MTM1: variants seen among roughly 807,000 people sequenced by gnomAD.
MTM1 encodes myotubularin.
MTM1 carries 9 observed loss-of-function variants against 52.1 expected under a neutral mutation model. The observed-to-expected ratio is 0.17, with a 90% CI of 0.10 to 0.30. The LOEUF (loss-of-function observed/expected upper bound fraction) is 0.30. Among genes scored for constraint, MTM1 ranks in the 10% least tolerant of loss-of-function variants. The pLI, the probability that MTM1 is intolerant of heterozygous loss-of-function variation, is 1.00. For missense variants in MTM1, 277 were observed against 470.7 expected (o/e 0.59, Z 3.81); for synonymous variants, 136 against 163.8 (o/e 0.83, Z 1.29).
chrX:150,571,912 C>T (rs2038384878), intron 1 of MTM1, among the ~76,000 whole-genome samples: 1 of 111,942 alleles, frequency 8.9e-6, no homozygotes, highest in Non-Finnish European at 1.9e-5. Flanking sequence ...AGTTAGGTCC[C>T]GTTGTCATCC....
Position 150,663,601 on chromosome X carries a change from A to G in MTM1, c.1636A>G (p.Lys546Glu), listed in dbSNP as rs782556613. The G allele has an allele frequency of 8.3e-7, 1 of 1,208,677 alleles. No homozygotes were observed. The highest frequency in any genetic ancestry group is 1.8e-5 in the South Asian group (1 of 56,955). ...NYYIRWNPRI[K>E]QQQPNPVEQR... Reference sequence around the variant, plus strand: ...CTACATTAGATGGAACCCCAGGATCAAGCAACAAGTAAGTGAAGTAGCACT... The same window carrying G: ...CTACATTAGATGGAACCCCAGGATCGAGCAACAAGTAAGTGAAGTAGCACT... Residue 546 changes from lysine to glutamate, a missense_variant, in exon 14 of 15, where the codon AAG (lysine) becomes GAG (glutamate). This residue lies in a region of MTM1 where 51 missense variants were observed against 52.2 expected (regional missense o/e 0.98). Coordinates refer to ENST00000370396, the MANE Select transcript of MTM1 (RefSeq NM_000252.3).
chrX:150,631,723 A>G (rs1308350032), intron 6 of MTM1, among the ~76,000 whole-genome samples: 1 of 106,808 alleles, frequency 9.4e-6, no homozygotes, highest in Admixed American at 1.0e-4. Context: ...ATATTCCTCT[A>G]GTAATTTGGT....
At chrX:150,570,189 T>C (rs142806184) in intron 1 of MTM1, among the ~76,000 whole-genome samples, 2,381 of 111,684 alleles carry the variant, frequency 0.021, 28 homozygotes, top group Non-Finnish European at 0.033. Flanking sequence ...GCCCCACTGC[T>C]GAGGTCCCTG....
At chrX:150,598,506 G>C (rs1424709709) in intron 3 of MTM1, 86 bp from the exon 4 acceptor site, 6 of 569,607 alleles carry the variant, frequency 1.1e-5, no homozygotes, top group African/African-American at 4.6e-5. Flanking sequence ...ATTCTTAGCT[G>C]AATAGTTTAT....
intron 14 of MTM1, 72 bp from the exon 15 acceptor site, chrX:150,671,356 G>A (rs904423646): frequency 3.5e-5 from 39 of 1,128,822 alleles, no homozygotes; most frequent in Non-Finnish European, 4.6e-5. Flanking sequence ...AGTCACAGCA[G>A]ATGGGTGGAA....
chrX:150,563,649 G>A (rs1460007052), upstream of MTM1, among the ~76,000 whole-genome samples: 1 of 107,578 alleles, frequency 9.3e-6, no homozygotes, highest in Non-Finnish European at 1.9e-5. Context: ...ACTTTGGGAA[G>A]CTGTGGCAGG....
At chrX:150,582,675 G>A (rs2038607033) in intron 1 of MTM1, among the ~76,000 whole-genome samples, 2 of 111,078 alleles carry the variant, frequency 1.8e-5, no homozygotes, top group South Asian at 7.5e-4. Flanking sequence ...GATTGGAGTG[G>A]TGAAGCTGCA....
At chrX:150,606,684 C>A (rs1209111785) in intron 4 of MTM1, among the ~76,000 whole-genome samples, 4 of 111,484 alleles carry the variant, frequency 3.6e-5, no homozygotes, top group African/African-American at 1.3e-4. Flanking sequence ...ATTCTTTACA[C>A]CTTTCTCCTC....
chrX:150,592,931 C>T (rs1465111024), intron 2 of MTM1, among the ~76,000 whole-genome samples: 1 of 109,935 alleles, frequency 9.1e-6, no homozygotes, highest in Non-Finnish European at 1.9e-5. Context: ...GCAACCTCCG[C>T]CTCCCAGATT....
chrX:150,629,977 A>G (rs2039638342), intron 6 of MTM1, among the ~76,000 whole-genome samples: 1 of 112,519 alleles, frequency 8.9e-6, no homozygotes, highest in African/African-American at 3.2e-5. Context: ...TGCCCAGTGA[A>G]TGTGCTTCTC....
chrX:150,653,804 T>A (rs892325620), intron 10 of MTM1, among the ~76,000 whole-genome samples: 4 of 112,592 alleles, frequency 3.6e-5, no homozygotes, highest in African/African-American at 1.3e-4. Flanking sequence ...TACAATACTC[T>A]TCCCCTATAG....
intron 3 of MTM1, among the ~76,000 whole-genome samples, chrX:150,597,239 G>A (rs1557412626): frequency 8.9e-6 from 1 of 111,830 alleles, no homozygotes; most frequent in Non-Finnish European, 1.9e-5. Flanking sequence ...CATTGTTCCA[G>A]GGAACCTTTT....
At chrX:150,669,428 C>T (rs55751212) in intron 14 of MTM1, among the ~76,000 whole-genome samples, 2,513 of 111,595 alleles carry the variant, frequency 0.023, 78 homozygotes, top group African/African-American at 0.078. Context: ...GTTCTAGATC[C>T]TTGAGGAATC....
chrX:150,641,492 G>A, intron 8 of MTM1, 74 bp downstream of exon 8: 5 of 1,125,339 alleles, frequency 4.4e-6, no homozygotes, highest in Non-Finnish European at 4.9e-6. Flanking sequence ...ATAACTTAGA[G>A]AAACGGTCCT....
At chrX:150,605,926 T>TA (rs1432756008) in intron 4 of MTM1, among the ~76,000 whole-genome samples, 2 of 109,897 alleles carry the variant, frequency 1.8e-5, no homozygotes, top group African/African-American at 6.7e-5. Context: ...AAGCCAGACC[T>TA]ATATTCTTTT....
intron 1 of MTM1, among the ~76,000 whole-genome samples, chrX:150,574,409 G>GGTGACCCCA: frequency 9.2e-6 from 1 of 109,202 alleles, no homozygotes; most frequent in East Asian, 2.9e-4. Flanking sequence ...TGAGGCCCCC[G>GGTGACCCCA]GGTGATTTTG....
chrX:150,629,600 T>C (rs781925079), intron 6 of MTM1, among the ~76,000 whole-genome samples: 2 of 112,806 alleles, frequency 1.8e-5, no homozygotes, highest in African/African-American at 6.4e-5. Flanking sequence ...AATATACTAA[T>C]GTAAACAGAG....
chrX:150,643,638 G>A (rs956254449), intron 8 of MTM1, among the ~76,000 whole-genome samples: 2 of 111,761 alleles, frequency 1.8e-5, no homozygotes, highest in Non-Finnish European at 3.8e-5. Context: ...GCAATATCTT[G>A]TAAACAACTT....
intron 9 of MTM1, among the ~76,000 whole-genome samples, chrX:150,647,695 G>A (rs1557414052): frequency 8.9e-6 from 1 of 112,203 alleles, no homozygotes; most frequent in Non-Finnish European, 1.9e-5. Flanking sequence ...ATTGATTGTT[G>A]CCCTTTCTGA....
Sources: allele counts gnomAD v4.1 joint callset (sites outside exome capture counted in the v4.1 genomes callset), GRCh38; gene constraint gnomAD v4.1.1; regional missense constraint gnomAD v4.1.1; transcripts MANE v1.5; gene names NCBI Gene and HGNC (gene_info 2026-07-23, HGNC 2026-07-21).